The following M1AP variants were observed in gnomAD, a reference collection of about 807,000 sequenced individuals.
The protein encoded by M1AP is meiosis 1 arrest protein.
Under a neutral mutation model 51.2 loss-of-function variants are expected in M1AP, and 39 were observed. That is an observed-to-expected ratio of 0.76 (90% CI 0.59 to 1.00). The LOEUF is 1.00. Ranked by LOEUF, M1AP falls within the 50% of genes least tolerant of loss-of-function variation. The probability of loss-of-function intolerance (pLI) is 0.00; values close to 1 mark genes in which losing one functional copy is unlikely to be tolerated. For missense variants in M1AP, 545 were observed against 641.2 expected, an observed-to-expected ratio of 0.85 and a Z score of 1.62; for synonymous variants, 251 against 249.2, an observed-to-expected ratio of 1.01 and a Z score of -0.07.
At chr2:74,572,079 T>G (rs1314384758) in intron 7 of M1AP, among the ~76,000 whole-genome samples, 3 of 151,358 alleles carry the variant, frequency 2.0e-5, no homozygotes, top group Non-Finnish European at 4.4e-5. Context: ...CTAGATGAGG[T>G]GGACCAAACG....
chr2:74,638,131 T>A (rs1573191921), intron 2 of M1AP, among the ~76,000 whole-genome samples: 1 of 151,938 alleles, frequency 6.6e-6, no homozygotes. Flanking sequence ...CTCGGCTCAC[T>A]ACAACCTCCG....
intron 4 of M1AP, among the ~76,000 whole-genome samples, chr2:74,591,893 G>T (rs753216762): frequency 6.6e-6 from 1 of 152,004 alleles, no homozygotes; most frequent in Admixed American, 6.6e-5. Flanking sequence ...TCAAGTGATT[G>T]TCCTGCCTCA....
At position 74,576,525 on chromosome 2, in the gene M1AP, C is replaced by T; in HGVS notation, c.863G>A (p.Gly288Glu). 1 of 1,614,102 alleles carries T rather than the reference C, an allele frequency of 6.2e-7. No homozygotes were observed. The stretch of plus-strand genomic sequence containing the variant: ...CATCTGGTAGAGTGTGATGAAGTCT[C>T]CTTTAGGGTCATCCATTCTCAAGGA... Reference protein sequence around the residue: ...DGSLRMDDPKGDFITLYQMAS... With the variant: ...DGSLRMDDPKEDFITLYQMAS... The change falls in exon 6 of 11, where the codon GGA becomes GAA. Residue 288 changes from glycine to glutamate, a missense_variant. Physicochemically the swap from Gly to Glu is moderately conservative, Grantham distance 98 (BLOSUM62 -2). Transcript: ENST00000421985.
At chr2:74,598,876 C>A (rs1680509609) in intron 4 of M1AP, among the ~76,000 whole-genome samples, 2 of 151,964 alleles carry the variant, frequency 1.3e-5, no homozygotes, top group African/African-American at 4.8e-5. Context: ...CCTGCCTTGG[C>A]CTCCCAAAGT....
chr2:74,581,296 G>A lies in M1AP; in HGVS notation c.769+378C>T, dbSNP rs1040362646. 1.2e-4 allele frequency among the ~76,000 whole-genome samples: 18 copies of A among 152,252 alleles called. No individual in the cohort carries two copies. In the East Asian group the frequency reaches 3.3e-3, roughly 28 times the overall value. ...TCTTCCTCTCGCCACAGGCTGTATT[G>A]ATATTGTTGAGGTAGCAGCATGCTC... On this transcript the variant is annotated intron_variant, in intron 5 of 10. Coordinates refer to ENST00000421985, the MANE Select transcript of M1AP (RefSeq NM_001321739.2).
rs368854401 is a variant in M1AP at position 74,562,262 on chromosome 2, G to A, written c.1236C>T (p.Pro412=). ...TRELMLPSTF[P]LLPEDPHDDS... is the part of the protein sequence containing the mutation. ...CATCATGTGGGTCCTCAGGTAGCAG[G>A]GGGAAGGTGCTGGGCAGCATCAGTT... is the stretch of plus-strand genomic sequence containing the variant. The change falls in exon 8 of 11, where the codon CCC becomes CCT. Residue 412 remains proline (P), a synonymous_variant. Coordinates refer to ENST00000421985, the MANE Select transcript of M1AP (RefSeq NM_001321739.2). The A allele has an allele frequency of 6.2e-7, 1 of 1,613,928 alleles. No individual in the cohort carries two copies. Among genetic ancestry groups the A allele is most frequent in the African/African-American group, 1.3e-5 (1 of 74,904 alleles).
intron 1 of M1AP, chr2:74,647,248 C>G (rs2104872668): frequency 1.0e-6 from 1 of 985,350 alleles, no homozygotes; most frequent in Non-Finnish European, 1.2e-6. Flanking sequence ...ACTAGGCCCT[C>G]CCCTGCCCGC....
intron 5 of M1AP, among the ~76,000 whole-genome samples, chr2:74,580,536 G>A (rs943944362): frequency 6.6e-6 from 1 of 152,202 alleles, no homozygotes; most frequent in Non-Finnish European, 1.5e-5. Context: ...TAGACAGAAA[G>A]GGTCTTGGGA....
intron 2 of M1AP, among the ~76,000 whole-genome samples, chr2:74,632,987 T>C (rs1004026468): frequency 3.3e-5 from 5 of 152,216 alleles, no homozygotes; most frequent in African/African-American, 1.2e-4. Flanking sequence ...CCTCTTATAC[T>C]GGATATCTTC....
chr2:74,605,428 G>A (rs1680913123), intron 4 of M1AP, among the ~76,000 whole-genome samples: 1 of 152,108 alleles, frequency 6.6e-6, no homozygotes, highest in South Asian at 2.1e-4. Flanking sequence ...TTCTTAAGAT[G>A]TCATTGTATG....
At chr2:74,625,907 C>T (rs1682353727) in intron 2 of M1AP, among the ~76,000 whole-genome samples, 1 of 152,226 alleles carries the variant, frequency 6.6e-6, no homozygotes, top group Non-Finnish European at 1.5e-5. Context: ...CTCAATGCTA[C>T]TGCTCTTCCA....
chr2:74,606,594 G>T (rs1558676280), intron 4 of M1AP, among the ~76,000 whole-genome samples: 1 of 151,852 alleles, frequency 6.6e-6, no homozygotes, highest in Non-Finnish European at 1.5e-5. Context: ...GAGAGTGTGT[G>T]TGTGTGCATA....
intron 1 of M1AP, among the ~76,000 whole-genome samples, chr2:74,643,420 A>G: frequency 6.6e-6 from 1 of 152,176 alleles, no homozygotes; most frequent in Non-Finnish European, 1.5e-5. Context: ...TTTTAAAAAT[A>G]AGCAAAAGTA....
At chr2:74,592,962 T>A (rs1309630651) in intron 4 of M1AP, among the ~76,000 whole-genome samples, 1 of 152,192 alleles carries the variant, frequency 6.6e-6, no homozygotes, top group East Asian at 1.9e-4. Flanking sequence ...TGTATATAGC[T>A]GTGTCCCAAT....
chr2:74,623,720 GGAGTACAGTGGCGT>G (rs1469054444), intron 2 of M1AP, among the ~76,000 whole-genome samples: 4 of 152,148 alleles, frequency 2.6e-5, no homozygotes, highest in Non-Finnish European at 5.9e-5. Context: ...CACCCAGGCT[GGAGTACAGTGGCGT>G]GATCATGATT....
At chr2:74,617,917 C>A (rs1406671996) in intron 2 of M1AP, among the ~76,000 whole-genome samples, 2 of 152,166 alleles carry the variant, frequency 1.3e-5, no homozygotes, top group Non-Finnish European at 2.9e-5. Context: ...TTAGTCTGTG[C>A]ACATGTCAAC....
chr2:74,605,593 T>A (rs1051498163), intron 4 of M1AP, among the ~76,000 whole-genome samples: 1 of 152,072 alleles, frequency 6.6e-6, no homozygotes, highest in Non-Finnish European at 1.5e-5. Context: ...ATCTTTTTCA[T>A]CATGACATGG....
rs776853780 is a variant in M1AP, at chr2:74,562,318, T to C, written c.1180A>G (p.Thr394Ala). ...GTGGCCACCGCCTTTACCAGCAGTG[T>C]GAGGGAGTGTGACGGCATGATCACA... ...FYVIMPSHSL[T>A]LLVKAVATRE... The change falls in exon 8 of 11, where the codon ACA (threonine) becomes GCA (alanine). Residue 394 changes from threonine (T) to alanine (A), a missense_variant. By Grantham distance (58) the Thr-to-Ala change is moderately conservative. Transcript: ENST00000421985. 1 of 1,614,182 alleles carries C rather than the reference T, an allele frequency of 6.2e-7. No homozygotes were observed. The highest frequency in any genetic ancestry group is 1.1e-5 in the South Asian group (1 of 91,084).
At chr2:74,569,879 T>C (rs895367635) in intron 7 of M1AP, among the ~76,000 whole-genome samples, 3 of 149,824 alleles carry the variant, frequency 2.0e-5, no homozygotes, top group African/African-American at 7.5e-5. Flanking sequence ...AGATAATTTG[T>C]GTGTGTGTGT....
Sources: gnomAD v4.1 joint callset for allele counts (sites outside exome capture counted in the v4.1 genomes callset) on GRCh38, gnomAD v4.1.1 for gene constraint, MANE v1.5 for transcripts, NCBI Gene and HGNC (gene_info 2026-07-23, HGNC 2026-07-21) for gene names.